RGS6: variants seen among roughly 807,000 people sequenced by gnomAD.
RGS6 encodes the protein regulator of G-protein signaling 6.
In RGS6, 30 loss-of-function variants were observed where a neutral mutation model predicts 78.5. That is an observed-to-expected ratio of 0.38 (90% confidence interval 0.29 to 0.52). The LOEUF is 0.52. Ranked by LOEUF, RGS6 falls within the 20% of genes least tolerant of loss-of-function variation. RGS6 has a pLI of 0.85. For synonymous variants in RGS6, 206 were observed against 206.0 expected (o/e 1.00, Z 0.00); for missense variants, 495 against 609.7 (o/e 0.81, Z 1.98).
chr14:72,201,436 G>T (rs1389227323), intron 2 of RGS6, among the ~76,000 whole-genome samples: 1 of 152,036 alleles, frequency 6.6e-6, no homozygotes, highest in Non-Finnish European at 1.5e-5. Flanking sequence ...GAGAAACGGG[G>T]GAATTCTCCC....
chr14:72,512,412 G>A (rs184849369), intron 14 of RGS6, among the ~76,000 whole-genome samples: 1 of 152,192 alleles, frequency 6.6e-6, no homozygotes, highest in African/African-American at 2.4e-5. Context: ...AGTGCACCAA[G>A]GAGTGTGTCC....
At chr14:72,568,468 C>G (rs2097716577), downstream of RGS6, among the ~76,000 whole-genome samples, 1 of 152,216 alleles carries the variant, frequency 6.6e-6, no homozygotes, top group Non-Finnish European at 1.5e-5. Flanking sequence ...TCCCGCCAAC[C>G]TCGAGGCTGT....
chr14:72,456,162 A>G (rs895721221), intron 4 of RGS6, among the ~76,000 whole-genome samples: 7 of 152,178 alleles, frequency 4.6e-5, no homozygotes, highest in African/African-American at 2.4e-5. Flanking sequence ...GGCTGAGGAG[A>G]AGCTAAGAAC....
intron 2 of RGS6, among the ~76,000 whole-genome samples, chr14:72,248,679 A>G (rs367690531): frequency 2.6e-5 from 4 of 152,350 alleles, no homozygotes; most frequent in African/African-American, 9.6e-5. Context: ...TCCAGTGGAA[A>G]AATTAATTAG....
At position 72,550,920 on chromosome 14, in the gene RGS6, A is replaced by G. The variant is rs1599045464; in HGVS notation, c.1422+10826A>G. On this transcript the variant is annotated intron_variant, in intron 17 of 17. Coordinates refer to ENST00000553525, the MANE Select transcript of RGS6 (RefSeq NM_001204424.2). ...AGTGGCGCAATCTCAGCTCACTGCA[A>G]CCTCCACCTCCCAGGTTTAAGCGAT... Among the ~76,000 whole-genome samples, 3 of 151,782 alleles carry G rather than the reference A, an allele frequency of 2.0e-5. No individual in the cohort carries two copies. The South Asian group carries it at 6.3e-4, about 32-fold the overall frequency.
At chr14:72,480,557 T>C (rs1334871062) in intron 12 of RGS6, among the ~76,000 whole-genome samples, 3 of 152,062 alleles carry the variant, frequency 2.0e-5, no homozygotes, top group African/African-American at 7.2e-5. Flanking sequence ...AACTTTTCAA[T>C]GCGACACGAG....
At chr14:72,132,281 T>TC (rs369680798) in intron 2 of RGS6, among the ~76,000 whole-genome samples, 21 of 144,114 alleles carry the variant, frequency 1.5e-4, no homozygotes, top group Admixed American at 9.7e-4. Flanking sequence ...TTCTTCTTCT[T>TC]TTTTTTTTTT....
chr14:72,020,928 C>T (rs1269991073), intron 2 of RGS6, among the ~76,000 whole-genome samples: 2 of 152,142 alleles, frequency 1.3e-5, no homozygotes, highest in Non-Finnish European at 2.9e-5. Context: ...GCATGATGAA[C>T]TGGTCAAGGA....
At chr14:72,422,846 G>T (rs1016056789) in intron 3 of RGS6, among the ~76,000 whole-genome samples, 5 of 152,174 alleles carry the variant, frequency 3.3e-5, no homozygotes, top group African/African-American at 1.2e-4. Flanking sequence ...GGAGATCCAG[G>T]GCCCATCTGC....
chr14:72,140,482 C>G (rs901468489), intron 2 of RGS6, among the ~76,000 whole-genome samples: 2 of 152,110 alleles, frequency 1.3e-5, no homozygotes, highest in South Asian at 2.1e-4. Flanking sequence ...AATGATAGGC[C>G]ATAGGACTCA....
At chr14:72,009,239 T>A (rs1471509603) in intron 2 of RGS6, among the ~76,000 whole-genome samples, 1 of 152,150 alleles carries the variant, frequency 6.6e-6, no homozygotes, top group Non-Finnish European at 1.5e-5. Flanking sequence ...TAGTCCTAGA[T>A]ACTCGGGAAG....
chr14:72,281,193 G>A (rs1401889967), intron 2 of RGS6, among the ~76,000 whole-genome samples: 1 of 139,062 alleles, frequency 7.2e-6, no homozygotes, highest in Non-Finnish European at 1.5e-5. Context: ...CTGTCATCCA[G>A]GCTGGGGTGC....
chr14:72,411,807 T>C (rs2093434114), intron 3 of RGS6, among the ~76,000 whole-genome samples: 1 of 152,228 alleles, frequency 6.6e-6, no homozygotes, highest in Non-Finnish European at 1.5e-5. Context: ...AGGCCTTTTC[T>C]GCATCTATTG....
intron 13 of RGS6, among the ~76,000 whole-genome samples, chr14:72,504,042 C>T (rs982992889): frequency 3.3e-5 from 5 of 152,200 alleles, no homozygotes; most frequent in Admixed American, 2.0e-4. Flanking sequence ...CGAGTTGATC[C>T]TTTAAAACTG....
intron 2 of RGS6, among the ~76,000 whole-genome samples, chr14:72,214,810 G>A (rs956564060): frequency 6.6e-6 from 1 of 151,996 alleles, no homozygotes; most frequent in Non-Finnish European, 1.5e-5. Flanking sequence ...AACATGGGGA[G>A]TAGGGTAAGG....
At chr14:72,068,970 CTTGTT>C (rs1262141608) in intron 2 of RGS6, among the ~76,000 whole-genome samples, 3 of 151,434 alleles carry the variant, frequency 2.0e-5, no homozygotes, top group Non-Finnish European at 4.4e-5. Context: ...GTTTCTTTCT[CTTGTT>C]TTATTTATTT....
At chr14:72,470,608 TG>T (rs2096049478) in intron 8 of RGS6, among the ~76,000 whole-genome samples, 1 of 152,034 alleles carries the variant, frequency 6.6e-6, no homozygotes, top group African/African-American at 2.4e-5. Flanking sequence ...CTGGGCATGG[TG>T]GCTCATGCCT....
chr14:72,138,627 C>T (rs543501205), intron 2 of RGS6, among the ~76,000 whole-genome samples: 205 of 151,940 alleles, frequency 1.3e-3, no homozygotes, highest in African/African-American at 4.3e-3. Flanking sequence ...GAGCAGTGGG[C>T]GAGTAAGCAA....
intron 2 of RGS6, among the ~76,000 whole-genome samples, chr14:72,310,775 A>G (rs2238200): frequency 0.061 from 9,272 of 152,218 alleles, 464 homozygotes; most frequent in East Asian, 0.31. Flanking sequence ...CTGAGCCTTC[A>G]TAAGACACAG....
Sources: gnomAD v4.1 joint callset for allele counts (sites outside exome capture counted in the v4.1 genomes callset) on GRCh38, gnomAD v4.1.1 for gene constraint, MANE v1.5 for transcripts, NCBI Gene and HGNC (gene_info 2026-07-23, HGNC 2026-07-21) for gene names.